GSN: variants seen among roughly 807,000 people sequenced by gnomAD.
GSN encodes the protein actin-depolymerizing factor.
Under a neutral mutation model 85.7 loss-of-function variants are expected in GSN, and 56 were observed. The ratio of observed to expected loss-of-function variants is 0.65; its 90% CI spans 0.53 to 0.82. GSN has a LOEUF of 0.82. Among genes scored for constraint, GSN ranks in the 40% least tolerant of loss-of-function variants. GSN has a pLI of 0.00. For missense variants in GSN, 857 were observed against 979.8 expected (o/e 0.87, Z 1.67); for synonymous variants, 373 against 399.1 (o/e 0.93, Z 0.78).
intron 4 of GSN, among the ~76,000 whole-genome samples, chr9:121,226,507 AGGC>A (rs140776477): frequency 0.017 from 2,553 of 152,262 alleles, 64 homozygotes; most frequent in African/African-American, 0.058. Context: ...GGAGCCATCC[AGGC>A]TGAGAGAAGA....
intron 5 of GSN, among the ~76,000 whole-genome samples, chr9:121,236,412 G>A (rs2054493732): frequency 6.6e-6 from 1 of 152,020 alleles, no homozygotes; most frequent in African/African-American, 2.4e-5. Flanking sequence ...TAGAGACAGG[G>A]TTTCACCACG....
rs1265734825 is a variant in GSN at position 121,299,692 on chromosome 9, C to A, written c.-9-2271C>A. 3 of 838,214 alleles carry A rather than the reference C, an allele frequency of 3.6e-6. No individual in the cohort carries two copies. The highest frequency in any genetic ancestry group is 1.1e-4 in the South Asian group (2 of 19,026). The allele number at this position is 838,214 out of a possible 1,614,324, so 51.9% of individuals were successfully genotyped here. A position where few individuals can be genotyped will look rare whatever the true frequency, so the allele number is the denominator to read the frequency against. ...GGGTGCAGGGGCTGCCGCGCCCTGT[C>A]GGGTCGATCCGGGTGGGAACCCAGA... On this transcript the variant is annotated intron_variant, in intron 2 of 17. Coordinates refer to ENST00000432226, the MANE Select transcript of GSN (RefSeq NM_198252.3). This position sits in a 1 kb window ranked among gnomAD's most constrained non-coding sequence, Gnocchi z 4.2.
chr9:121,312,221 C>A (rs2061229303), intron 5 of GSN, 118 bp from the exon 6 acceptor site: 2 of 1,071,304 alleles, frequency 1.9e-6, no homozygotes, highest in African/African-American at 1.5e-5. Context: ...CAGCCTTCAC[C>A]TGGGCAAGTG....
intron 2 of GSN, among the ~76,000 whole-genome samples, chr9:121,295,259 C>T (rs1439238956): frequency 2.0e-5 from 3 of 152,200 alleles, no homozygotes; most frequent in Non-Finnish European, 4.4e-5. Context: ...GATTCGCAAA[C>T]CTGTCCACAG....
chr9:121,222,451 A>G (rs2054187209), intron 4 of GSN, among the ~76,000 whole-genome samples: 1 of 152,236 alleles, frequency 6.6e-6, no homozygotes, highest in African/African-American at 2.4e-5. Flanking sequence ...AGACAAGTAT[A>G]TATAGGCAAT....
At chr9:121,219,353 T>C (rs2054125723) in intron 4 of GSN, among the ~76,000 whole-genome samples, 1 of 151,934 alleles carries the variant, frequency 6.6e-6, no homozygotes, top group African/African-American at 2.4e-5. Context: ...CTGCCTTGGC[T>C]TCCCAAGGTG....
intron 2 of GSN, among the ~76,000 whole-genome samples, chr9:121,288,833 T>G (rs1418258975): frequency 6.6e-6 from 1 of 152,198 alleles, no homozygotes; most frequent in Non-Finnish European, 1.5e-5. Flanking sequence ...GTATAGAGTC[T>G]GTCACAAAAC....
At chr9:121,308,784 A>G (rs1295166164) in intron 4 of GSN, 1 of 152,302 alleles carries the variant, frequency 6.6e-6, no homozygotes, top group African/African-American at 2.4e-5. Context: ...CATTTTGCAC[A>G]TCAGTGCGAT....
intron 10 of GSN, among the ~76,000 whole-genome samples, chr9:121,319,769 A>C (rs1007324200): frequency 1.3e-5 from 2 of 152,122 alleles, no homozygotes; most frequent in Non-Finnish European, 2.9e-5. Flanking sequence ...GAAGGTAGAG[A>C]GCTTATAAGG....
chr9:121,204,794 A>G (rs1281746003), upstream of GSN, among the ~76,000 whole-genome samples: 3 of 152,248 alleles, frequency 2.0e-5, no homozygotes. Flanking sequence ...GCAGCCATCA[A>G]AAAGAATGAG....
chr9:121,299,732 G>A lies in GSN; in HGVS notation c.-9-2231G>A, dbSNP rs951682817. 1.8e-6 allele frequency: 2 copies of A among 1,087,144 alleles called. No individual in the cohort carries two copies. The highest frequency in any genetic ancestry group is 2.3e-6 in the Non-Finnish European group (2 of 869,780). The allele number at this position is 1,087,144 out of a possible 1,614,324, so 67.3% of individuals were successfully genotyped here. ...GGGAACCCAGATGTCTCCAAGATCC[G>A]AGACAGATCCCCGCCCCGCGCCCTC... On this transcript the variant is annotated intron_variant, in intron 2 of 17. Transcript: ENST00000432226. This position sits in a 1 kb window ranked among gnomAD's most constrained non-coding sequence, Gnocchi z 4.2.
intron 4 of GSN, among the ~76,000 whole-genome samples, chr9:121,215,219 C>T (rs1341431390): frequency 6.7e-6 from 1 of 149,606 alleles, no homozygotes; most frequent in Non-Finnish European, 1.5e-5. Flanking sequence ...TTAAGGACCC[C>T]CCCCCCCACA....
At chr9:121,287,153 G>C (rs1214053527) in intron 2 of GSN, among the ~76,000 whole-genome samples, 1 of 152,142 alleles carries the variant, frequency 6.6e-6, no homozygotes, top group South Asian at 2.1e-4. Flanking sequence ...ATCAGGGAAA[G>C]CTTTGTTTGG....
chr9:121,211,073 CAA>C (rs2053960447), intron 4 of GSN, among the ~76,000 whole-genome samples: 1 of 152,122 alleles, frequency 6.6e-6, no homozygotes, highest in African/African-American at 2.4e-5. Flanking sequence ...TAGCCCGTCA[CAA>C]AGAGACAAAT....
chr9:121,251,417 G>A (rs980774819), intron 6 of GSN, among the ~76,000 whole-genome samples: 7 of 150,972 alleles, frequency 4.6e-5, no homozygotes, highest in Non-Finnish European at 7.4e-5. Flanking sequence ...GGCTGGTTTC[G>A]AACTCCTGGC....
At chr9:121,286,220 C>T (rs1459992992) in intron 2 of GSN, 7 of 1,409,414 alleles carry the variant, frequency 5.0e-6, no homozygotes, top group Non-Finnish European at 6.8e-6. Context: ...GTCCCCGAAG[C>T]CAGCTCAGAG....
Position 121,318,949 on chromosome 9 carries a change from T to C in GSN, c.1191+69T>C. Reference sequence around the variant, plus strand: ...ACTTTCCCCATGCACTGCCTCTTGCTTCCCCAAGGAGGTTTCTCTCTGAGG... The same window carrying C: ...ACTTTCCCCATGCACTGCCTCTTGCCTCCCCAAGGAGGTTTCTCTCTGAGG... On this transcript the variant is annotated intron_variant, in intron 10 of 17. Transcript: ENST00000432226. This position sits in a 1 kb window ranked among gnomAD's most constrained non-coding sequence, Gnocchi z 4.3. 8.0e-7 allele frequency: 1 copy of C among 1,248,930 alleles called. No individual in the cohort carries two copies. The highest frequency in any genetic ancestry group is 1.2e-6 in the Non-Finnish European group (1 of 852,712). 77.4% of individuals were successfully genotyped at this position (1,248,930 alleles called of 1,614,324 possible).
upstream of GSN, among the ~76,000 whole-genome samples, chr9:121,265,486 T>G: frequency 6.6e-6 from 1 of 152,222 alleles, no homozygotes. Context: ...GTCCAGCTTT[T>G]TTCTGCCGTC....
intron 4 of GSN, among the ~76,000 whole-genome samples, chr9:121,228,913 T>G (rs926725207): frequency 6.6e-6 from 1 of 152,172 alleles, no homozygotes; most frequent in African/African-American, 2.4e-5. Context: ...CCTGAACCAT[T>G]TGAAAGTTGC....
Sources: allele counts gnomAD v4.1 joint callset (sites outside exome capture counted in the v4.1 genomes callset), GRCh38; gene constraint gnomAD v4.1.1; non-coding constraint Gnocchi (gnomAD v3.1); transcripts MANE v1.5; gene names NCBI Gene and HGNC (gene_info 2026-07-23, HGNC 2026-07-21).